The following ERC1 variants were observed in gnomAD, a reference collection of about 807,000 sequenced individuals.
ERC1 encodes ELKS/RAB6-interacting/CAST family member 1.
In ERC1, 56 loss-of-function variants were observed where a neutral mutation model predicts 132.0. That is an observed-to-expected ratio of 0.42 (90% confidence interval 0.34 to 0.53). The LOEUF (loss-of-function observed/expected upper bound fraction) is 0.53, where lower values mean the gene tolerates loss of function less well. ERC1 is among the 20% of genes least tolerant of loss of function. ERC1 has a pLI of 0.03. For missense variants in ERC1, 1,202 were observed against 1,349.9 expected (o/e 0.89, Z 1.72); for synonymous variants, 478 against 476.1 (o/e 1.00, Z -0.05).
At chr12:1,483,034 C>T (rs1487155981) in intron 18 of ERC1, among the ~76,000 whole-genome samples, 6 of 152,178 alleles carry the variant, frequency 3.9e-5, no homozygotes, top group Admixed American at 2.0e-4. Context: ...TGGTGGCTCA[C>T]GCCTGTAATC....
At chr12:1,423,877 GTCTTAAA>G (rs1165451125) in intron 17 of ERC1, among the ~76,000 whole-genome samples, 4 of 152,068 alleles carry the variant, frequency 2.6e-5, no homozygotes, top group Non-Finnish European at 5.9e-5. Context: ...TACTTTATCT[GTCTTAAA>G]TCAGCAAGGG....
chr12:1,206,535 G>A (rs944174922), intron 12 of ERC1, among the ~76,000 whole-genome samples: 2 of 152,040 alleles, frequency 1.3e-5, no homozygotes, highest in African/African-American at 2.4e-5. Context: ...GTACAGAGTA[G>A]TGAGATTTTA....
chr12:1,133,794 C>T (rs1481024392), intron 7 of ERC1, among the ~76,000 whole-genome samples: 1 of 152,130 alleles, frequency 6.6e-6, no homozygotes, highest in African/African-American at 2.4e-5. Context: ...TCAGCATCTC[C>T]CCATGCCTCT....
chr12:1,050,779 G>T (rs1456286824), intron 2 of ERC1, among the ~76,000 whole-genome samples: 1 of 152,184 alleles, frequency 6.6e-6, no homozygotes, highest in African/African-American at 2.4e-5. Flanking sequence ...GCCGAGGCGG[G>T]TTGATCACGA....
At position 1,493,548 on chromosome 12, in the gene ERC1, A is replaced by AAAAAAAAAATATATATAT. The variant is rs56939346; in HGVS notation, c.*3319_*3320insAAAAAAAATATATATATA. 1.5e-4 allele frequency: 2 copies of AAAAAAAAAATATATATAT among 13,620 alleles called. No homozygotes were observed. The highest frequency in any genetic ancestry group is 2.9e-4 in the Non-Finnish European group (2 of 6,820). The allele number at this position is 13,620 out of a possible 1,614,324, so 0.8% of individuals were successfully genotyped here. On this transcript the variant is annotated 3_prime_UTR_variant, in exon 19 of 19. Transcript: ENST00000360905. ...ACTCCATTTAAAAAAAAAAAAAAAA[A>AAAAAAAAAATATATATAT]ATATATATATATATATATATATATA...
chr12:1,000,000 T>G (rs1961874484), intron 1 of ERC1, among the ~76,000 whole-genome samples: 1 of 152,196 alleles, frequency 6.6e-6, no homozygotes, highest in Non-Finnish European at 1.5e-5. Context: ...TTCAGAAAGG[T>G]GGCAACTCTT....
intron 18 of ERC1, among the ~76,000 whole-genome samples, chr12:1,446,627 AGAT>A (rs1449623876): frequency 6.6e-6 from 1 of 152,232 alleles, no homozygotes; most frequent in African/African-American, 2.4e-5. Flanking sequence ...GTGATATTAA[AGAT>A]GACAGTGAAA....
intron 15 of ERC1, among the ~76,000 whole-genome samples, chr12:1,358,972 G>C (rs1013539895): frequency 1.3e-5 from 2 of 152,184 alleles, no homozygotes; most frequent in East Asian, 1.9e-4. Context: ...AAAGATAAGA[G>C]TTTGCTTCAT....
chr12:1,114,679 T>C (rs997422505), intron 6 of ERC1, among the ~76,000 whole-genome samples: 2 of 140,512 alleles, frequency 1.4e-5, no homozygotes, highest in Non-Finnish European at 3.1e-5. Flanking sequence ...GGGTACATAC[T>C]ATTTTGCAGG....
chr12:1,137,035 T>C (rs912873422), intron 7 of ERC1, among the ~76,000 whole-genome samples: 3 of 152,208 alleles, frequency 2.0e-5, no homozygotes, highest in Admixed American at 2.0e-4. Flanking sequence ...TATCTAGTCT[T>C]TGAGTTCCAG....
chr12:1,007,944 A>G (rs1964011770), intron 1 of ERC1, among the ~76,000 whole-genome samples: 1 of 152,134 alleles, frequency 6.6e-6, no homozygotes, highest in Non-Finnish European at 1.5e-5. Flanking sequence ...GATATAGAAC[A>G]TTTCTGTTAC....
intron 1 of ERC1, among the ~76,000 whole-genome samples, chr12:1,021,587 T>C (rs1966383502): frequency 6.6e-6 from 1 of 151,580 alleles, no homozygotes; most frequent in South Asian, 2.1e-4. Flanking sequence ...TAGTCCCAGC[T>C]ACTCGGGAGG....
At chr12:1,448,795 A>G (rs974610420) in intron 18 of ERC1, among the ~76,000 whole-genome samples, 1 of 152,246 alleles carries the variant, frequency 6.6e-6, no homozygotes, top group Non-Finnish European at 1.5e-5. Context: ...CCACTGGGGC[A>G]CTGCCTAGTG....
At chr12:1,199,995 T>C (rs1956758614) in intron 12 of ERC1, among the ~76,000 whole-genome samples, 1 of 151,970 alleles carries the variant, frequency 6.6e-6, no homozygotes, top group African/African-American at 2.4e-5. Context: ...GGGAGTGTTA[T>C]TTGCACATGT....
At chr12:1,247,057 A>G (rs1179353782) in intron 13 of ERC1, among the ~76,000 whole-genome samples, 1 of 149,074 alleles carries the variant, frequency 6.7e-6, no homozygotes, top group East Asian at 1.9e-4. Context: ...TGAGCCCAGG[A>G]GTTTGAGGTT....
intron 17 of ERC1, among the ~76,000 whole-genome samples, chr12:1,422,634 G>T (rs1386568585): frequency 1.3e-5 from 2 of 152,018 alleles, no homozygotes; most frequent in Non-Finnish European, 2.9e-5. Flanking sequence ...TATCTTGGCA[G>T]TTGTAAATAG....
chr12:1,186,466 T>C (rs1315221190), intron 11 of ERC1, among the ~76,000 whole-genome samples: 1 of 152,236 alleles, frequency 6.6e-6, no homozygotes, highest in African/African-American at 2.4e-5. Context: ...GATGGAGAGC[T>C]TAACCTTTAA....
chr12:1,142,229 G>A (rs367680044), intron 8 of ERC1, among the ~76,000 whole-genome samples: 105 of 152,228 alleles, frequency 6.9e-4, no homozygotes, highest in African/African-American at 2.3e-3. Context: ...AAAAAAATGT[G>A]TGTGTGTCTA....
chr12:1,179,729 G>A (rs915169741), intron 8 of ERC1, among the ~76,000 whole-genome samples: 19 of 152,030 alleles, frequency 1.2e-4, no homozygotes, highest in African/African-American at 4.3e-4. Flanking sequence ...GGATGGTCTT[G>A]ATCTCCTGAC....
Sources: gnomAD v4.1 joint callset for allele counts (sites outside exome capture counted in the v4.1 genomes callset) on GRCh38, gnomAD v4.1.1 for gene constraint, MANE v1.5 for transcripts, NCBI Gene and HGNC (gene_info 2026-07-23, HGNC 2026-07-21) for gene names.